The following FAM161B variants were observed in gnomAD, a reference collection of about 807,000 sequenced individuals.
FAM161B encodes the protein protein FAM161B.
FAM161B carries 46 observed loss-of-function variants against 61.5 expected under a neutral mutation model. The observed-to-expected ratio is 0.75, with a 90% CI of 0.59 to 0.96. The LOEUF is 0.96. FAM161B is among the 40% of genes least tolerant of loss of function. The pLI, the probability that FAM161B is intolerant of heterozygous loss-of-function variation, is 0.00. For missense variants in FAM161B, 774 were observed against 800.7 expected (o/e 0.97, Z 0.40); for synonymous variants, 284 against 302.7 (o/e 0.94, Z 0.64).
At chr14:73,941,463 A>C (rs1264934262) in intron 4 of FAM161B, among the ~76,000 whole-genome samples, 2 of 152,150 alleles carry the variant, frequency 1.3e-5, no homozygotes, top group African/African-American at 4.8e-5. Context: ...TGAAGGACTG[A>C]AAATGAGAAT....
intron 3 of FAM161B, among the ~76,000 whole-genome samples, chr14:73,944,088 C>T (rs900840919): frequency 1.3e-5 from 2 of 152,208 alleles, no homozygotes; most frequent in South Asian, 4.1e-4. Flanking sequence ...CATGTGCATT[C>T]ACTTAGATGT....
At chr14:73,945,365 A>G (rs1267948624) in intron 2 of FAM161B, among the ~76,000 whole-genome samples, 1 of 152,184 alleles carries the variant, frequency 6.6e-6, no homozygotes. Flanking sequence ...GACCAAGATA[A>G]AGGTACTTTG....
the FAM161B span, among the ~76,000 whole-genome samples, chr14:73,925,144 T>TATTC: frequency 0.6 from 91,288 of 151,584 alleles, 28,384 homozygotes; most frequent in South Asian, 0.72. Context: ...CTTTTCTTTT[T>TATTC]ATTGTTGTGA....
chr14:73,938,539 G>A (rs2055990452), intron 5 of FAM161B, among the ~76,000 whole-genome samples: 2 of 151,946 alleles, frequency 1.3e-5, no homozygotes, highest in East Asian at 1.9e-4. Flanking sequence ...TTGGGAGGCC[G>A]AGGCGGGCGG....
chr14:73,945,221 A>G (rs2056056355), intron 2 of FAM161B, among the ~76,000 whole-genome samples: 1 of 152,224 alleles, frequency 6.6e-6, no homozygotes, highest in Non-Finnish European at 1.5e-5. Context: ...TAAAACCTCA[A>G]TTTCCTCCTA....
At chr14:73,932,015 CTT>C (rs996859383), downstream of FAM161B, 1 of 456,372 alleles carries the variant, frequency 2.2e-6, no homozygotes, top group Non-Finnish European at 4.4e-6. Flanking sequence ...TGTCAATTCT[CTT>C]GTTACATTCT....
Position 73,934,334 on chromosome 14 carries a change from T to C in FAM161B, c.1866A>G (p.Leu622=), listed in dbSNP as rs1242743254. 1 of 1,614,208 alleles carries C rather than the reference T, an allele frequency of 6.2e-7. No homozygotes were observed. The highest frequency in any genetic ancestry group is 8.5e-7 in the Non-Finnish European group (1 of 1,180,030). Residue 622 remains leucine, a synonymous_variant, in exon 9 of 9, where the codon CTA becomes CTG. Transcript: ENST00000286544. ...CTTTCCTGGGGCTTGCAGGCTGTTC[T>C]AGAGATCCTTCTAAACCCTGCTCTG... is the stretch of plus-strand genomic sequence containing the variant. ...RDPEQGLEGS[L]EQPASPRKVL... is the part of the protein sequence containing the mutation.
intron 1 of FAM161B, among the ~76,000 whole-genome samples, chr14:73,949,411 G>C (rs2056105087): frequency 6.6e-6 from 1 of 151,954 alleles, no homozygotes; most frequent in Non-Finnish European, 1.5e-5. Context: ...GTAGAGACGG[G>C]GTTTTGCCAT....
chr14:73,936,744 A>G (rs1469341758), intron 7 of FAM161B, among the ~76,000 whole-genome samples: 1 of 152,188 alleles, frequency 6.6e-6, no homozygotes, highest in Non-Finnish European at 1.5e-5. Flanking sequence ...TATGTGTGTG[A>G]GAGGAGAAAG....
chr14:73,949,115 T>C (rs2056099822), intron 1 of FAM161B, among the ~76,000 whole-genome samples: 1 of 123,274 alleles, frequency 8.1e-6, no homozygotes, highest in South Asian at 2.9e-4. Flanking sequence ...TGTTTGTTTT[T>C]GTTTTTGAGA....
downstream of FAM161B, among the ~76,000 whole-genome samples, chr14:73,929,890 A>C (rs961032739): frequency 6.6e-6 from 1 of 152,126 alleles, no homozygotes; most frequent in Non-Finnish European, 1.5e-5. Context: ...CAGGTGGACA[A>C]TCTCTATTTT....
downstream of FAM161B, chr14:73,931,536 A>AC (rs766032896): frequency 6.2e-7 from 1 of 1,608,952 alleles, no homozygotes; most frequent in South Asian, 1.1e-5. Context: ...TGAAAGACGG[A>AC]CATGAGCGTG....
intron 1 of FAM161B, among the ~76,000 whole-genome samples, chr14:73,946,826 A>G (rs1353153429): frequency 6.6e-6 from 1 of 152,138 alleles, no homozygotes; most frequent in African/African-American, 2.4e-5. Context: ...AACTTGGTCT[A>G]TGAAGTGCGC....
chr14:73,944,833 G>A lies in FAM161B; in HGVS notation c.427C>T (p.Pro143Ser). The change falls in exon 3 of 9, where the codon CCC becomes TCC. Residue 143 changes from proline (P) to serine (S), a missense_variant. Pro to Ser is a moderately conservative substitution (Grantham distance 74). Transcript: ENST00000286544. ...GAGGGTGGCTGGGTCTGAGGCCTGG[G>A]AATGTTGGAGGGAAGGTTGTTCAGG... ...SSLNNLPSNI[P>S]RPQTQPPSGS... 1 of 1,538,446 alleles carries A rather than the reference G, an allele frequency of 6.5e-7. No individual in the cohort carries two copies. The highest frequency in any genetic ancestry group is 8.7e-7 in the Non-Finnish European group (1 of 1,144,302).
At chr14:73,938,162 T>A (rs746112819) in intron 5 of FAM161B, 50 bp from the exon 6 acceptor site, 3 of 1,597,962 alleles carry the variant, frequency 1.9e-6, no homozygotes, top group Non-Finnish European at 2.6e-6. Context: ...CTGGGTATAC[T>A]GAAAAGCAAT....
chr14:73,949,063 C>T (rs1435678825), intron 1 of FAM161B, among the ~76,000 whole-genome samples: 5 of 152,012 alleles, frequency 3.3e-5, no homozygotes, highest in South Asian at 2.1e-4. Context: ...GGACTACAGG[C>T]GCGCACCACC....
At position 73,933,951 on chromosome 14, in the gene FAM161B, A is replaced by G. The variant is rs1274496321; in HGVS notation, c.*305T>C. 2 of 225,308 alleles carry G rather than the reference A, an allele frequency of 8.9e-6. No individual in the cohort carries two copies. Among genetic ancestry groups the G allele is most frequent in the Non-Finnish European group, 1.7e-5 (2 of 114,600 alleles). The allele number at this position is 225,308 out of a possible 1,614,324, so 14.0% of individuals were successfully genotyped here. A position where few individuals can be genotyped will look rare whatever the true frequency, so the allele number is the denominator to read the frequency against. ...ATTCTCCTGCCTCAGCTTCCCAAGT[A>G]GCTAGGATTACAGGCACGTGTCATC... On this transcript the variant is annotated 3_prime_UTR_variant, in exon 9 of 9. Coordinates refer to ENST00000286544, the MANE Select transcript of FAM161B (RefSeq NM_152445.3).
chr14:73,945,310 G>C (rs1237291365), intron 2 of FAM161B, among the ~76,000 whole-genome samples: 1 of 152,168 alleles, frequency 6.6e-6, no homozygotes, highest in Non-Finnish European at 1.5e-5. Context: ...AAAGTAATGA[G>C]ATAATGTACA....
chr14:73,946,462 G>A lies in FAM161B; in HGVS notation c.198C>T (p.Ser66=), dbSNP rs145793356. ...TCAGTTCCTGTAAGTTCTGGTAAAT[G>A]CTCCCAGTTGAGTCAGAAGTAGAAT... ...EIDSTSDSTG[S]IYQNLQELKQ... The change falls in exon 2 of 9, where the codon AGC becomes AGT. Residue 66 remains serine, a synonymous_variant. Transcript: ENST00000286544. 3.1e-5 allele frequency: 50 copies of A among 1,614,032 alleles called. No individual in the cohort carries two copies. In the African/African-American group the frequency reaches 5.7e-4, roughly 19 times the overall value.
Sources: allele counts gnomAD v4.1 joint callset (sites outside exome capture counted in the v4.1 genomes callset), GRCh38; gene constraint gnomAD v4.1.1; transcripts MANE v1.5; gene names NCBI Gene and HGNC (gene_info 2026-07-23, HGNC 2026-07-21).